Variants in GTF2H1 observed in about 807,000 individuals in gnomAD.
GTF2H1 encodes the protein BTF2 p62.
GTF2H1 carries 16 observed loss-of-function variants against 71.2 expected under a neutral mutation model. The ratio of observed to expected loss-of-function variants is 0.22; its 90% CI spans 0.15 to 0.34. The LOEUF (loss-of-function observed/expected upper bound fraction) is 0.34, where lower values mean the gene tolerates loss of function less well. GTF2H1 is among the 10% of genes least tolerant of loss of function. GTF2H1 has a pLI of 1.00. For missense variants in GTF2H1, 498 were observed against 648.2 expected, an observed-to-expected ratio of 0.77 and a Z score of 2.52; for synonymous variants, 215 against 219.0, an observed-to-expected ratio of 0.98 and a Z score of 0.16.
chr11:18,358,780 C>T (rs899942387), intron 13 of GTF2H1, 140 bp downstream of exon 13: 1 of 597,160 alleles, frequency 1.7e-6, no homozygotes, highest in African/African-American at 1.9e-5. Context: ...ATGTAAACCT[C>T]ACAGCATCTT....
chr11:18,333,484 C>G (rs901728833), intron 2 of GTF2H1: 4 of 264,794 alleles, frequency 1.5e-5, no homozygotes, highest in African/African-American at 2.2e-5. Context: ...GCATAATACT[C>G]CACTAAATGA....
chr11:18,364,870 CT>C (rs1481636763), intron 14 of GTF2H1, among the ~76,000 whole-genome samples: 2 of 152,094 alleles, frequency 1.3e-5, no homozygotes, highest in Non-Finnish European at 1.5e-5. Flanking sequence ...ATTCTTGGGT[CT>C]CATCCCAGGC....
chr11:18,365,997 A>C lies in GTF2H1; in HGVS notation c.*128A>C, dbSNP rs1279398701. The C allele has an allele frequency of 9.1e-6, 6 of 658,820 alleles. No homozygotes were observed. The highest frequency in any genetic ancestry group is 7.0e-5 in the South Asian group (4 of 56,912). The allele number at this position is 658,820 out of a possible 1,614,324, so 40.8% of individuals were successfully genotyped here. A position where few individuals can be genotyped will look rare whatever the true frequency, so the allele number is the denominator to read the frequency against. On this transcript the variant is annotated 3_prime_UTR_variant, in exon 15 of 15. Coordinates refer to ENST00000265963, the MANE Select transcript of GTF2H1 (RefSeq NM_005316.4). ...GATAAGAAACATCTGCTCCACGCCAACTCCCAGAGCTGATGCTATTGTACT... is the reference window on the plus strand; with the variant it reads ...GATAAGAAACATCTGCTCCACGCCACCTCCCAGAGCTGATGCTATTGTACT...
chr11:18,341,666 G>C (rs1865159959), intron 7 of GTF2H1, 59 bp downstream of exon 7: 11 of 1,064,254 alleles, frequency 1.0e-5, no homozygotes, highest in African/African-American at 3.2e-5. Flanking sequence ...CTTCAACATT[G>C]TCTTAAGCGT....
intron 7 of GTF2H1, among the ~76,000 whole-genome samples, chr11:18,342,657 T>G (rs886701781): frequency 6.6e-6 from 1 of 152,226 alleles, no homozygotes; most frequent in Non-Finnish European, 1.5e-5. Context: ...ATGGCCCTCT[T>G]TAATTATCCT....
intron 2 of GTF2H1, among the ~76,000 whole-genome samples, chr11:18,334,950 A>AT (rs1167074392): frequency 6.6e-6 from 1 of 151,760 alleles, no homozygotes; most frequent in Non-Finnish European, 1.5e-5. Context: ...TTTTTGGTTT[A>AT]TTTTTTTATT....
At chr11:18,350,856 C>A (rs1865405312) in intron 9 of GTF2H1, among the ~76,000 whole-genome samples, 2 of 151,992 alleles carry the variant, frequency 1.3e-5, no homozygotes, top group African/African-American at 2.4e-5. Flanking sequence ...TATTACAAGG[C>A]TGTAAAAATT....
chr11:18,339,526 ATGCTCTAACG>A, intron 4 of GTF2H1, 28 bp from the exon 5 acceptor site: 1 of 1,409,938 alleles, frequency 7.1e-7, no homozygotes, highest in Non-Finnish European at 1.0e-6. Flanking sequence ...TCTTTCCCTG[ATGCTCTAACG>A]TGTATGTGTG....
rs779409555 is a variant in GTF2H1, at chr11:18,341,425, C to G, written c.757+15C>G. On this transcript the variant is annotated intron_variant, in intron 6 of 14. Transcript: ENST00000265963. ...AGATGAAAAAGGTAACTGTTTATCT[C>G]TGATAGACACTGGTATTTAACTTGC... 2 of 1,611,392 alleles carry G rather than the reference C, an allele frequency of 1.2e-6. No individual in the cohort carries two copies. Among genetic ancestry groups the G allele is most frequent in the Non-Finnish European group, 1.7e-6 (2 of 1,178,112 alleles).
intron 1 of GTF2H1, among the ~76,000 whole-genome samples, chr11:18,330,878 C>G (rs1864878177): frequency 6.6e-6 from 1 of 152,114 alleles, no homozygotes; most frequent in Non-Finnish European, 1.5e-5. Flanking sequence ...TATTTCCTTT[C>G]TGTTCTCGGG....
intron 7 of GTF2H1, among the ~76,000 whole-genome samples, chr11:18,345,046 C>G (rs1429676851): frequency 2.0e-5 from 3 of 150,466 alleles, no homozygotes; most frequent in Non-Finnish European, 4.4e-5. Context: ...TAAAAATTAG[C>G]TGGGCATAGT....
At chr11:18,354,607 G>A (rs971807656) in intron 11 of GTF2H1, among the ~76,000 whole-genome samples, 1 of 151,978 alleles carries the variant, frequency 6.6e-6, no homozygotes, top group Admixed American at 6.6e-5. Flanking sequence ...CTTACATCTG[G>A]TAGTTTTTTT....
chr11:18,349,845 C>CT (rs1474440636), intron 9 of GTF2H1, among the ~76,000 whole-genome samples: 1 of 152,164 alleles, frequency 6.6e-6, no homozygotes, highest in Non-Finnish European at 1.5e-5. Context: ...ATAGTTTAGC[C>CT]TATCCTACTT....
At chr11:18,348,832 G>A (rs1015146071) in intron 9 of GTF2H1, 1 of 152,184 alleles carries the variant, frequency 6.6e-6, no homozygotes, top group Non-Finnish European at 1.5e-5. Flanking sequence ...GTATGGGTAA[G>A]TCTTAATTTC....
At chr11:18,332,771 TTGTG>T (rs1255113108) in intron 1 of GTF2H1, 1 of 195,124 alleles carries the variant, frequency 5.1e-6, no homozygotes, top group Non-Finnish European at 1.0e-5. Flanking sequence ...CATTTTCAAA[TTGTG>T]TGTGTATAAG....
Position 18,332,175 on chromosome 11 carries a change from A to G in GTF2H1, c.-15-885A>G, listed in dbSNP as rs191442976. ...CAGAAAAATGTTGCGGTAAAGCTTC[A>G]CTTATTTGCCCAGGGCAAACGTAAT... On this transcript the variant is annotated intron_variant, in intron 1 of 14. Transcript: ENST00000265963. Among the ~76,000 whole-genome samples, 84 of 152,294 alleles carry G rather than the reference A, an allele frequency of 5.5e-4. 1 individual carries two copies. The highest frequency in any genetic ancestry group is 1.8e-3 in the African/African-American group (73 of 41,556).
intron 2 of GTF2H1, among the ~76,000 whole-genome samples, chr11:18,334,101 C>T (rs1344168479): frequency 6.6e-6 from 1 of 152,082 alleles, no homozygotes. Context: ...AATTAAGGGC[C>T]GGGCGCGGTG....
chr11:18,329,388 A>C (rs899394935), intron 1 of GTF2H1, among the ~76,000 whole-genome samples: 7 of 152,226 alleles, frequency 4.6e-5, no homozygotes, highest in African/African-American at 1.7e-4. Context: ...CACTGTGCTC[A>C]TGTCAGTAAG....
chr11:18,345,880 C>G (rs963160060), intron 7 of GTF2H1, among the ~76,000 whole-genome samples: 2 of 149,748 alleles, frequency 1.3e-5, no homozygotes, highest in African/African-American at 4.9e-5. Context: ...GGCTCTGCCC[C>G]CTGGGGTTCA....
Sources: gnomAD v4.1 joint callset for allele counts (sites outside exome capture counted in the v4.1 genomes callset) on GRCh38, gnomAD v4.1.1 for gene constraint, MANE v1.5 for transcripts, NCBI Gene and HGNC (gene_info 2026-07-23, HGNC 2026-07-21) for gene names.